The following SPIDR variants were observed in gnomAD, a reference collection of about 807,000 sequenced individuals.
SPIDR encodes DNA repair-scaffolding protein.
In SPIDR, 93 loss-of-function variants were observed where a neutral mutation model predicts 104.6. The observed-to-expected ratio is 0.89, with a 90% CI of 0.75 to 1.06. SPIDR has a LOEUF of 1.06. Among genes scored for constraint, SPIDR ranks in the 50% least tolerant of loss-of-function variants. The pLI is 0.00. For missense variants in SPIDR, 1,154 were observed against 1,111.2 expected, an observed-to-expected ratio of 1.04 and a Z score of -0.55; for synonymous variants, 431 against 416.9, an observed-to-expected ratio of 1.03 and a Z score of -0.41.
At chr8:47,373,832 G>A (rs2058342983) in intron 5 of SPIDR, among the ~76,000 whole-genome samples, 1 of 152,328 alleles carries the variant, frequency 6.6e-6, no homozygotes, top group Admixed American at 6.5e-5. Flanking sequence ...GAATGGTAAT[G>A]ATTTTCAGTT....
chr8:47,484,971 A>G (rs1433020539), intron 8 of SPIDR, among the ~76,000 whole-genome samples: 4 of 152,198 alleles, frequency 2.6e-5, no homozygotes, highest in African/African-American at 7.2e-5. Flanking sequence ...TTCCGGGTTC[A>G]TCTCACTTGG....
intron 11 of SPIDR, among the ~76,000 whole-genome samples, chr8:47,681,742 T>G (rs1373736149): frequency 6.6e-6 from 1 of 152,226 alleles, no homozygotes; most frequent in Non-Finnish European, 1.5e-5. Flanking sequence ...ACAAGGAGTC[T>G]TTATCTTAAT....
chr8:47,561,201 C>T (rs2057026188), intron 8 of SPIDR, among the ~76,000 whole-genome samples: 1 of 152,206 alleles, frequency 6.6e-6, no homozygotes, highest in Non-Finnish European at 1.5e-5. Flanking sequence ...AAGTGAGACC[C>T]AGGCTGTACT....
At chr8:47,659,274 C>G (rs1264426045) in intron 10 of SPIDR, among the ~76,000 whole-genome samples, 2 of 152,122 alleles carry the variant, frequency 1.3e-5, no homozygotes, top group Admixed American at 1.3e-4. Context: ...GGGAAAAAGG[C>G]TGAGGTTTTT....
chr8:47,492,409 A>G (rs554656757), intron 8 of SPIDR, among the ~76,000 whole-genome samples: 7 of 152,214 alleles, frequency 4.6e-5, no homozygotes, highest in Non-Finnish European at 8.8e-5. Flanking sequence ...CCCAAGAAAC[A>G]GATAAACCAT....
chr8:47,262,694 C>G (rs2032807427), intron 1 of SPIDR, among the ~76,000 whole-genome samples: 1 of 152,222 alleles, frequency 6.6e-6, no homozygotes, highest in African/African-American at 2.4e-5. Context: ...CTATTCATTA[C>G]ATGGACCAAC....
chr8:47,558,919 G>A (rs913145720), intron 8 of SPIDR, among the ~76,000 whole-genome samples: 3 of 152,158 alleles, frequency 2.0e-5, no homozygotes, highest in Admixed American at 6.5e-5. Flanking sequence ...GATTACAGGC[G>A]TGAGCCACCG....
intron 8 of SPIDR, among the ~76,000 whole-genome samples, chr8:47,459,592 A>G (rs1322481930): frequency 6.6e-6 from 1 of 151,128 alleles, no homozygotes. Flanking sequence ...TTTTTGTTTC[A>G]TTTATCGTTT....
At chr8:47,525,617 A>G (rs1432628150) in intron 8 of SPIDR, among the ~76,000 whole-genome samples, 2 of 152,142 alleles carry the variant, frequency 1.3e-5, no homozygotes, top group Non-Finnish European at 2.9e-5. Flanking sequence ...CCTGGCCAAC[A>G]TGGTGAAACC....
intron 5 of SPIDR, among the ~76,000 whole-genome samples, chr8:47,316,810 G>C (rs371316231): frequency 1.3e-5 from 2 of 152,080 alleles, no homozygotes; most frequent in Admixed American, 1.3e-4. Context: ...CTTATCAAAT[G>C]GTGTGTCTTT....
rs547127630 is a variant in SPIDR at position 47,326,904 on chromosome 8, G to A, written c.525+32874G>A. 4.6e-5 allele frequency among the ~76,000 whole-genome samples: 7 copies of A among 152,298 alleles called. No homozygotes were observed. The South Asian group carries it at 1.4e-3, about 32-fold the overall frequency. On this transcript the variant is annotated intron_variant, in intron 5 of 19. Transcript: ENST00000297423. ...TTGGCTACTGTGAATAGAGCTGCTA[G>A]AACCCTGGTTTACACATTTCGGAGT...
chr8:47,593,514 C>T (rs888688782), intron 8 of SPIDR, among the ~76,000 whole-genome samples: 5 of 152,080 alleles, frequency 3.3e-5, no homozygotes, highest in African/African-American at 1.2e-4. Context: ...TATTAACTGT[C>T]TTTATTCATT....
chr8:47,652,967 C>T (rs1324759885), intron 10 of SPIDR, among the ~76,000 whole-genome samples: 1 of 152,174 alleles, frequency 6.6e-6, no homozygotes, highest in African/African-American at 2.4e-5. Context: ...AGTTTACCCC[C>T]ACCTCACCCA....
At chr8:47,495,112 C>A (rs1586676546) in intron 8 of SPIDR, among the ~76,000 whole-genome samples, 1 of 151,926 alleles carries the variant, frequency 6.6e-6, no homozygotes, top group African/African-American at 2.4e-5. Context: ...ATTGCATAGA[C>A]CAAGAATCTG....
chr8:47,367,841 G>A (rs2057421958), intron 5 of SPIDR, among the ~76,000 whole-genome samples: 1 of 152,222 alleles, frequency 6.6e-6, no homozygotes, highest in South Asian at 2.1e-4. Context: ...TGAAATGCTA[G>A]TTGGAGAAAA....
At chr8:47,423,081 G>C (rs1268998634) in intron 7 of SPIDR, among the ~76,000 whole-genome samples, 1 of 152,048 alleles carries the variant, frequency 6.6e-6, no homozygotes, top group Non-Finnish European at 1.5e-5. Context: ...CGAAGTGGGT[G>C]GATCACAAGG....
intron 5 of SPIDR, among the ~76,000 whole-genome samples, chr8:47,320,078 G>A: frequency 6.6e-6 from 1 of 151,934 alleles, no homozygotes; most frequent in Non-Finnish European, 1.5e-5. Flanking sequence ...GCTAGCAGAA[G>A]GCAAGAAATA....
intron 8 of SPIDR, among the ~76,000 whole-genome samples, chr8:47,568,454 A>G (rs1047598352): frequency 2.6e-5 from 4 of 152,234 alleles, no homozygotes; most frequent in African/African-American, 4.8e-5. Flanking sequence ...TAATTGTGTA[A>G]GGAACTGTGT....
At chr8:47,400,665 TTTTC>T (rs2061756011) in intron 6 of SPIDR, among the ~76,000 whole-genome samples, 1 of 143,296 alleles carries the variant, frequency 7.0e-6, no homozygotes, top group South Asian at 2.2e-4. Flanking sequence ...TTGGACTTCT[TTTTC>T]TTTCTTTCTT....
Sources: gnomAD v4.1 joint callset for allele counts (sites outside exome capture counted in the v4.1 genomes callset) on GRCh38, gnomAD v4.1.1 for gene constraint, MANE v1.5 for transcripts, NCBI Gene and HGNC (gene_info 2026-07-23, HGNC 2026-07-21) for gene names.